KIDINS220: variants seen among roughly 807,000 people sequenced by gnomAD.
KIDINS220 encodes the protein kinase D interacting substrate 220.
KIDINS220 carries 63 observed loss-of-function variants against 157.6 expected under a neutral mutation model. That is an observed-to-expected ratio of 0.40 (90% CI 0.33 to 0.49). KIDINS220 has a LOEUF of 0.49. KIDINS220 is among the 20% of genes least tolerant of loss of function. KIDINS220 has a pLI of 0.66. For missense variants in KIDINS220, 1,772 were observed against 2,171.2 expected (o/e 0.82, Z 3.65); for synonymous variants, 732 against 783.6 (o/e 0.93, Z 1.10).
chr2:8,784,967 G>A (rs1672196056), intron 17 of KIDINS220, among the ~76,000 whole-genome samples: 1 of 152,162 alleles, frequency 6.6e-6, no homozygotes, highest in Non-Finnish European at 1.5e-5. Context: ...GTTTATAGCA[G>A]CTTTATTCAT....
At chr2:8,813,216 A>C in intron 5 of KIDINS220, 21 bp downstream of exon 5, 4 of 1,579,002 alleles carry the variant, frequency 2.5e-6, no homozygotes, top group Non-Finnish European at 3.5e-6. Flanking sequence ...AATACAAACA[A>C]ATTTTTTTGT....
At chr2:8,758,929 A>G (rs1161329184) in intron 22 of KIDINS220, among the ~76,000 whole-genome samples, 3 of 152,234 alleles carry the variant, frequency 2.0e-5, no homozygotes, top group African/African-American at 7.2e-5. Context: ...CATTAAGTAC[A>G]CAACAACTCT....
At chr2:8,803,198 G>A in intron 7 of KIDINS220, 71 bp from the exon 8 acceptor site, 1 of 1,235,044 alleles carries the variant, frequency 8.1e-7, no homozygotes, top group Non-Finnish European at 1.1e-6. Flanking sequence ...GAAAATATAT[G>A]ATTTATGCCA....
chr2:8,759,032 C>A (rs925858362), intron 22 of KIDINS220, among the ~76,000 whole-genome samples: 2 of 152,176 alleles, frequency 1.3e-5, no homozygotes, highest in South Asian at 2.1e-4. Flanking sequence ...GCGAACAGTG[C>A]CAGGTGTTCT....
intron 6 of KIDINS220, among the ~76,000 whole-genome samples, chr2:8,806,841 CA>C (rs1675523560): frequency 6.6e-6 from 1 of 152,162 alleles, no homozygotes; most frequent in Non-Finnish European, 1.5e-5. Context: ...TCAGCCTCCC[CA>C]AGTGCTGGGA....
At chr2:8,748,175 A>G (rs893616308) in intron 24 of KIDINS220, among the ~76,000 whole-genome samples, 175 bp from the exon 25 acceptor site, 4 of 152,212 alleles carry the variant, frequency 2.6e-5, no homozygotes, top group Non-Finnish European at 2.9e-5. Context: ...AACTTAAGAA[A>G]TATTACTTAC....
intron 1 of KIDINS220, 36 bp from the exon 2 acceptor site, chr2:8,827,165 T>A: frequency 5.1e-6 from 4 of 785,206 alleles, no homozygotes; most frequent in Non-Finnish European, 8.1e-6. Flanking sequence ...AATTTATAAT[T>A]AGAAAAAATT....
At chr2:8,808,303 C>T (rs1392807032) in intron 6 of KIDINS220, among the ~76,000 whole-genome samples, 1 of 152,192 alleles carries the variant, frequency 6.6e-6, no homozygotes, top group African/African-American at 2.4e-5. Flanking sequence ...TATCTTCAAA[C>T]ATAATACACA....
intron 8 of KIDINS220, among the ~76,000 whole-genome samples, chr2:8,800,913 T>TA (rs907811310): frequency 1.3e-5 from 2 of 152,128 alleles, no homozygotes; most frequent in East Asian, 1.9e-4. Flanking sequence ...CCATGAATTC[T>TA]AAAAAAACGG....
chr2:8,779,575 A>T, intron 18 of KIDINS220, 99 bp downstream of exon 18: 3 of 1,347,094 alleles, frequency 2.2e-6, no homozygotes, highest in East Asian at 2.4e-5. Context: ...TACTCAAACA[A>T]AAACCAATTC....
rs184094054 is a variant in KIDINS220 at position 8,738,859 on chromosome 2, A to G, written c.3586-1860T>C. On this transcript the variant is annotated intron_variant, in intron 26 of 29. Transcript: ENST00000256707. ...CCAATTTTAATTTTTGCTTTTGATT[A>G]TTATACTACAGTTATGAAAGATGTT... Among the ~76,000 whole-genome samples, 225 of 152,344 alleles carry G rather than the reference A, an allele frequency of 1.5e-3. 3 individuals carry two copies. Among genetic ancestry groups the G allele is most frequent in the African/African-American group, 4.8e-3 (200 of 41,570 alleles).
At chr2:8,832,014 C>G (rs945016835) in intron 1 of KIDINS220, among the ~76,000 whole-genome samples, 77 of 152,302 alleles carry the variant, frequency 5.1e-4, no homozygotes, top group African/African-American at 1.8e-3. Flanking sequence ...TACTCCATAC[C>G]TCTTGCCTTT....
intron 26 of KIDINS220, among the ~76,000 whole-genome samples, chr2:8,741,927 T>C (rs16866786): frequency 0.029 from 4,443 of 152,276 alleles, 225 homozygotes; most frequent in African/African-American, 0.1. Context: ...TTAAAGCTGG[T>C]TGAGGCTACT....
chr2:8,730,897 C>A lies in KIDINS220; in HGVS notation c.5139G>T (p.Leu1713Phe), dbSNP rs1201276027. Reference sequence around the variant, plus strand: ...TTGGGTTGGGACTGGAACTAGGCCTCAAAATGACTTGAGAAGTCTCCCTAA... The same window carrying A: ...TTGGGTTGGGACTGGAACTAGGCCTAAAAATGACTTGAGAAGTCTCCCTAA... ...EGIRETSQVI[L>F]RPSSSPNPTT... The change falls in exon 30 of 30, where the codon TTG (leucine) becomes TTT (phenylalanine). Residue 1713 changes from leucine to phenylalanine, a missense_variant. Around this residue, in one of 3 missense-constraint regions of KIDINS220, gnomAD observed 793 missense variants for 885.5 expected, o/e 0.90. Coordinates refer to ENST00000256707, the MANE Select transcript of KIDINS220 (RefSeq NM_020738.4). The A allele has an allele frequency of 6.2e-7, 1 of 1,614,192 alleles. No homozygotes were observed. Among genetic ancestry groups the A allele is most frequent in the South Asian group, 1.1e-5 (1 of 91,080 alleles).
In KIDINS220 at chr2:8,826,999, T is replaced by C. The variant is rs1254976938; in HGVS notation, c.95A>G (p.Asp32Gly). 5.6e-6 allele frequency: 9 copies of C among 1,601,510 alleles called. No homozygotes were observed. The highest frequency in any genetic ancestry group is 1.1e-5 in the South Asian group (1 of 90,288). ...ACTTGGTCTTACCTCATTTCTCTCA[T>C]CTACATCTTTGCATTTTTCAAGAAG... ...KALLEKCKDV[D>G]ERNECGQTPL... Residue 32 changes from aspartate (D) to glycine (G), a missense_variant, in exon 2 of 30, where the codon GAT (aspartate) becomes GGT (glycine). Physicochemically the swap from Asp to Gly is moderately conservative, Grantham distance 94. Transcript: ENST00000256707.
In KIDINS220 at chr2:8,733,484, A is replaced by C; in HGVS notation, c.4013T>G (p.Leu1338Arg). The C allele has an allele frequency of 6.2e-7, 1 of 1,614,064 alleles. No individual in the cohort carries two copies. The highest frequency in any genetic ancestry group is 1.1e-5 in the South Asian group (1 of 91,046). Residue 1338 changes from leucine (L) to arginine (R), a missense_variant, in exon 29 of 30, where the codon CTG becomes CGG. Physicochemically the swap from Leu to Arg is moderately radical, Grantham distance 102. This residue lies in a region of KIDINS220 where 793 missense variants were observed against 885.5 expected (regional missense o/e 0.90). Coordinates refer to ENST00000256707, the MANE Select transcript of KIDINS220 (RefSeq NM_020738.4). ...ACTGTGACGAGGGGCACCTTCATCC[A>C]GGCCAAGCGTGTTCAGCTCTTCGAA... ...FSFEELNTLG[L>R]DEGAPRHSNL...
At chr2:8,787,901 G>C (rs1375654146) in intron 15 of KIDINS220, among the ~76,000 whole-genome samples, 2 of 152,076 alleles carry the variant, frequency 1.3e-5, no homozygotes, top group Non-Finnish European at 2.9e-5. Flanking sequence ...GCACAGCTCA[G>C]AGAGGGGAGC....
chr2:8,781,881 G>A (rs180774450), intron 17 of KIDINS220, among the ~76,000 whole-genome samples: 10 of 152,270 alleles, frequency 6.6e-5, no homozygotes, highest in Admixed American at 4.6e-4. Flanking sequence ...CAGCACTTTG[G>A]GAGGCCAAGG....
chr2:8,755,841 T>C (rs1199734286), intron 22 of KIDINS220, among the ~76,000 whole-genome samples: 1 of 152,228 alleles, frequency 6.6e-6, no homozygotes, highest in Non-Finnish European at 1.5e-5. Flanking sequence ...GCTCTATATG[T>C]CCATCCTCAT....
Sources: gnomAD v4.1 joint callset for allele counts (sites outside exome capture counted in the v4.1 genomes callset) on GRCh38, gnomAD v4.1.1 for gene constraint, gnomAD v4.1.1 regional missense constraint, MANE v1.5 for transcripts, NCBI Gene and HGNC (gene_info 2026-07-23, HGNC 2026-07-21) for gene names.